NPAS3: variants seen among roughly 807,000 people sequenced by gnomAD.
The protein encoded by NPAS3 is neuronal PAS domain-containing protein 3.
NPAS3 carries 14 observed loss-of-function variants against 73.1 expected under a neutral mutation model. The observed-to-expected ratio is 0.19, with a 90% CI of 0.13 to 0.30. The LOEUF is 0.30. Ranked by LOEUF, NPAS3 falls within the 10% of genes least tolerant of loss-of-function variation. The pLI, the probability that NPAS3 is intolerant of heterozygous loss-of-function variation, is 1.00. For synonymous variants in NPAS3, 620 were observed against 541.5 expected (o/e 1.14, Z -2.01); for missense variants, 1,096 against 1,250.0 (o/e 0.88, Z 1.86).
intron 1 of NPAS3, among the ~76,000 whole-genome samples, chr14:33,054,498 T>G (rs923307941): frequency 2.0e-5 from 3 of 152,150 alleles, no homozygotes; most frequent in African/African-American, 7.2e-5. Flanking sequence ...CTAAATAAAG[T>G]TCAAAAGTAG....
chr14:33,251,538 G>A (rs184180888), intron 3 of NPAS3, among the ~76,000 whole-genome samples: 1 of 152,082 alleles, frequency 6.6e-6, no homozygotes, highest in Admixed American at 6.6e-5. Context: ...AACTTTTTAT[G>A]TGTCGTTCAT....
chr14:33,685,513 G>C (rs1320997961), intron 6 of NPAS3, among the ~76,000 whole-genome samples: 1 of 151,774 alleles, frequency 6.6e-6, no homozygotes, highest in African/African-American at 2.4e-5. Flanking sequence ...TGCATGATAG[G>C]TTCACAGAAA....
chr14:33,645,493 C>T (rs1277167078), intron 5 of NPAS3, among the ~76,000 whole-genome samples: 1 of 152,192 alleles, frequency 6.6e-6, no homozygotes, highest in Non-Finnish European at 1.5e-5. Context: ...CTCTGGTTTG[C>T]ATTGGATTAT....
chr14:33,472,817 G>A (rs767248703), intron 4 of NPAS3, among the ~76,000 whole-genome samples: 79 of 150,458 alleles, frequency 5.3e-4, no homozygotes, highest in Non-Finnish European at 1.0e-3. Context: ...GTCAAAAAAT[G>A]TGTGCAAAGC....
chr14:33,586,213 A>G (rs2056852243), intron 5 of NPAS3, among the ~76,000 whole-genome samples: 1 of 126,926 alleles, frequency 7.9e-6, no homozygotes, highest in African/African-American at 3.1e-5. Context: ...CCAAATAACA[A>G]CAATCTTTAC....
At chr14:33,163,382 C>T (rs1376943646) in intron 2 of NPAS3, among the ~76,000 whole-genome samples, 3 of 152,170 alleles carry the variant, frequency 2.0e-5, no homozygotes, top group Admixed American at 6.5e-5. Flanking sequence ...TTGCACTTTA[C>T]TTTCTGTTTA....
chr14:33,363,217 G>A (rs1257934970), intron 3 of NPAS3, among the ~76,000 whole-genome samples: 8 of 152,156 alleles, frequency 5.3e-5, no homozygotes, highest in African/African-American at 1.9e-4. Context: ...GCACTGGTTA[G>A]GAATATGACT....
chr14:33,686,981 T>A (rs1465955074), intron 6 of NPAS3, among the ~76,000 whole-genome samples: 2 of 152,112 alleles, frequency 1.3e-5, no homozygotes, highest in African/African-American at 4.8e-5. Context: ...AAAAAAGTCA[T>A]TTAAGAGATT....
At chr14:33,160,510 A>T (rs1260979249) in intron 2 of NPAS3, among the ~76,000 whole-genome samples, 3 of 81,762 alleles carry the variant, frequency 3.7e-5, no homozygotes, top group African/African-American at 9.4e-5. Flanking sequence ...GGGAGGGGGG[A>T]GGGATAGCAT....
intron 6 of NPAS3, among the ~76,000 whole-genome samples, chr14:33,716,287 C>T (rs1458654143): frequency 6.6e-6 from 1 of 152,180 alleles, no homozygotes; most frequent in Non-Finnish European, 1.5e-5. Context: ...TCGTCTTAGC[C>T]GTCATGGAAA....
chr14:33,002,037 A>G (rs544891598), intron 1 of NPAS3, among the ~76,000 whole-genome samples: 1 of 152,186 alleles, frequency 6.6e-6, no homozygotes, highest in Non-Finnish European at 1.5e-5. Context: ...TTTCTGGAGC[A>G]AGTCTCAGCT....
intron 2 of NPAS3, among the ~76,000 whole-genome samples, chr14:33,098,122 G>A (rs1013100677): frequency 1.1e-4 from 16 of 152,114 alleles, no homozygotes; most frequent in Non-Finnish European, 2.4e-4. Flanking sequence ...GAACCCTTTA[G>A]ATATGCATTC....
chr14:33,046,958 A>G (rs1351393978), intron 1 of NPAS3, among the ~76,000 whole-genome samples: 1 of 152,136 alleles, frequency 6.6e-6, no homozygotes, highest in East Asian at 1.9e-4. Context: ...TGGGTGACAG[A>G]GTGAGACTCC....
Position 33,774,537 on chromosome 14 carries a change from T to C in NPAS3, c.1046+7T>C, listed in dbSNP as rs772865153. ...TCATTTACTGTGAAAATAGGTACTT[T>C]GTTTTTGTTTTCATTTGCCCTGTTG... On this transcript the variant is annotated splice_region_variant and intron_variant, in intron 8 of 11. Transcript: ENST00000356141. 10 of 1,610,900 alleles carry C rather than the reference T, an allele frequency of 6.2e-6. No individual in the cohort carries two copies. Among genetic ancestry groups the C allele is most frequent in the Non-Finnish European group, 7.6e-6 (9 of 1,177,342 alleles).
Position 33,112,219 on chromosome 14 carries a change from G to A in NPAS3, c.140+56225G>A, listed in dbSNP as rs569595542. ...ATGGCTGGGTCAAATGGTATTTCTA[G>A]TTCTAGATCCTTCAGGAATTGCCAC... On this transcript the variant is annotated intron_variant, in intron 2 of 11. Transcript: ENST00000356141. Among the ~76,000 whole-genome samples, 4 of 152,262 alleles carry A rather than the reference G, an allele frequency of 2.6e-5. No individual in the cohort carries two copies. In the South Asian group the frequency reaches 8.3e-4, roughly 32 times the overall value.
intron 1 of NPAS3, among the ~76,000 whole-genome samples, chr14:33,044,693 C>A (rs1223492480): frequency 6.6e-6 from 1 of 150,938 alleles, no homozygotes; most frequent in Non-Finnish European, 1.5e-5. Flanking sequence ...AAGAGTAAAC[C>A]CATTGAAATG....
intron 3 of NPAS3, among the ~76,000 whole-genome samples, chr14:33,269,950 G>T (rs2040993889): frequency 6.6e-6 from 1 of 152,126 alleles, no homozygotes; most frequent in African/African-American, 2.4e-5. Context: ...TCTGGAAGCA[G>T]AGCCTAAGAT....
chr14:33,175,730 A>G (rs74953506), intron 2 of NPAS3, among the ~76,000 whole-genome samples: 1 of 152,214 alleles, frequency 6.6e-6, no homozygotes, highest in Admixed American at 6.5e-5. Flanking sequence ...TACATACAAC[A>G]TCCCAATGGG....
At chr14:33,408,789 A>G (rs1310044299) in intron 4 of NPAS3, among the ~76,000 whole-genome samples, 9 of 152,112 alleles carry the variant, frequency 5.9e-5, no homozygotes, top group African/African-American at 1.9e-4. Flanking sequence ...TTTATTTTAG[A>G]GGAGGGGAGC....
Sources: allele counts gnomAD v4.1 joint callset (sites outside exome capture counted in the v4.1 genomes callset), GRCh38; gene constraint gnomAD v4.1.1; transcripts MANE v1.5; gene names NCBI Gene and HGNC (gene_info 2026-07-23, HGNC 2026-07-21).